Variants in SLCO2A1 observed in about 807,000 individuals in gnomAD.
The protein encoded by SLCO2A1 is matrin F/G 1.
A neutral mutation model predicts 71.7 loss-of-function variants in SLCO2A1; 60 were observed. The ratio of observed to expected loss-of-function variants is 0.84; its 90% CI spans 0.68 to 1.04. The LOEUF is 1.04. SLCO2A1 is among the 50% of genes least tolerant of loss of function. The pLI is 0.00. For missense variants in SLCO2A1, 745 were observed against 813.4 expected, an observed-to-expected ratio of 0.92 and a Z score of 1.02; for synonymous variants, 308 against 326.7, an observed-to-expected ratio of 0.94 and a Z score of 0.62.
At chr3:134,027,470 G>A (rs1048116673) in intron 1 of SLCO2A1, among the ~76,000 whole-genome samples, 1 of 152,184 alleles carries the variant, frequency 6.6e-6, no homozygotes, top group Non-Finnish European at 1.5e-5. Flanking sequence ...AATCGATCAC[G>A]ACCCTCTCAG....
intron 1 of SLCO2A1, among the ~76,000 whole-genome samples, chr3:134,024,526 A>G (rs1935658382): frequency 6.6e-6 from 1 of 152,192 alleles, no homozygotes; most frequent in Admixed American, 6.5e-5. Flanking sequence ...TTTACACTCT[A>G]TGTGTCAGAA....
chr3:134,008,538 C>T (rs980925555), intron 1 of SLCO2A1, among the ~76,000 whole-genome samples: 1 of 152,218 alleles, frequency 6.6e-6, no homozygotes, highest in Non-Finnish European at 1.5e-5. Flanking sequence ...AGAATGTTCT[C>T]TACATCCTCC....
chr3:133,952,823 C>G (rs1162187231), intron 5 of SLCO2A1, among the ~76,000 whole-genome samples: 1 of 152,190 alleles, frequency 6.6e-6, no homozygotes, highest in African/African-American at 2.4e-5. Context: ...GACAAAGTTA[C>G]TTGCCTAAGA....
At chr3:134,026,955 C>A (rs889639980) in intron 1 of SLCO2A1, among the ~76,000 whole-genome samples, 2 of 152,168 alleles carry the variant, frequency 1.3e-5, no homozygotes, top group African/African-American at 4.8e-5. Flanking sequence ...ATTTAAAACT[C>A]TAATAATAAG....
chr3:134,021,984 C>CA (rs34171405), intron 1 of SLCO2A1, among the ~76,000 whole-genome samples: 15 of 134,380 alleles, frequency 1.1e-4, no homozygotes, highest in African/African-American at 2.8e-4. Context: ...GCTTTGCTAA[C>CA]AAAAAAAAAA....
chr3:134,008,754 C>A (rs1192003742), intron 1 of SLCO2A1, among the ~76,000 whole-genome samples: 1 of 152,228 alleles, frequency 6.6e-6, no homozygotes, highest in Non-Finnish European at 1.5e-5. Context: ...GAGTGGGCAC[C>A]AGAAGAGCAG....
chr3:133,944,687 C>T (rs1185254774), intron 10 of SLCO2A1, among the ~76,000 whole-genome samples: 3 of 152,232 alleles, frequency 2.0e-5, no homozygotes, highest in African/African-American at 7.2e-5. Flanking sequence ...TGGCTCTACC[C>T]TTCCAGGTCC....
chr3:133,994,424 C>T (rs566659396), intron 1 of SLCO2A1, among the ~76,000 whole-genome samples: 1 of 152,202 alleles, frequency 6.6e-6, no homozygotes, highest in African/African-American at 2.4e-5. Context: ...GTGCCATGTC[C>T]AGTGGGCCCT....
At chr3:133,959,397 CAAA>C (rs112457858) in intron 3 of SLCO2A1, among the ~76,000 whole-genome samples, 1 of 123,964 alleles carries the variant, frequency 8.1e-6, no homozygotes, top group Admixed American at 8.2e-5. Flanking sequence ...TGGCTATTAC[CAAA>C]AAAAAAAAAA....
In SLCO2A1 at chr3:133,947,355, C is replaced by T. The variant is rs532222872; in HGVS notation, c.1196G>A (p.Arg399His). 31 of 1,614,024 alleles carry T rather than the reference C, an allele frequency of 1.9e-5. No individual in the cohort carries two copies. In the East Asian group the frequency reaches 3.6e-4, roughly 19 times the overall value. Residue 399 changes from arginine to histidine, a missense_variant, in exon 9 of 14, where the codon CGC (arginine) becomes CAC (histidine). Arg to His is a conservative substitution (Grantham distance 29, BLOSUM62 0). Transcript: ENST00000310926. ...GATGGTGATGATGGTGGTAGCTATG[C>T]GGGGAATGGCTTGTAGAGAGAAAAC... ...RFVFSLQAIP[R>H]IATTIITISM...
At chr3:133,940,846 C>T (rs1251313448) in intron 11 of SLCO2A1, among the ~76,000 whole-genome samples, 3 of 152,130 alleles carry the variant, frequency 2.0e-5, no homozygotes, top group Non-Finnish European at 2.9e-5. Flanking sequence ...GCCGTTTCTC[C>T]GGGTTGTAGT....
rs561877969 is a variant in SLCO2A1, at chr3:134,017,913, A to G, written c.96+11794T>C. Among the ~76,000 whole-genome samples, 5 of 152,302 alleles carry G rather than the reference A, an allele frequency of 3.3e-5. No homozygotes were observed. In the South Asian group the frequency reaches 1.0e-3, roughly 32 times the overall value. The stretch of plus-strand genomic sequence containing the variant: ...ATCACTTCTGGATCTCTCAGAATGG[A>G]AAAAACAGGTAGTCACTGTCACAAC... On this transcript the variant is annotated intron_variant, in intron 1 of 13. Coordinates refer to ENST00000310926, the MANE Select transcript of SLCO2A1 (RefSeq NM_005630.3).
chr3:133,939,962 C>CTTT (rs752743899), intron 11 of SLCO2A1, among the ~76,000 whole-genome samples: 28 of 106,294 alleles, frequency 2.6e-4, no homozygotes, highest in African/African-American at 3.2e-4. Flanking sequence ...ACAAAGTCAT[C>CTTT]TTTTTTTTTT....
chr3:133,953,005 A>G (rs1336817143), intron 5 of SLCO2A1, among the ~76,000 whole-genome samples: 1 of 152,014 alleles, frequency 6.6e-6, no homozygotes, highest in Non-Finnish European at 1.5e-5. Flanking sequence ...ATCTTAAAGA[A>G]CCAGCAACAT....
At chr3:134,011,037 T>G (rs1421778294) in intron 1 of SLCO2A1, among the ~76,000 whole-genome samples, 2 of 151,328 alleles carry the variant, frequency 1.3e-5, no homozygotes, top group Non-Finnish European at 2.9e-5. Context: ...ATTTTGTCTG[T>G]TTTTTTTGTT....
Position 133,947,167 on chromosome 3 carries a change from G to A in SLCO2A1, c.1295+89C>T. Reference sequence around the variant, plus strand: ...AAAAAAGTGTACAGCAAAGAATAGAGTTAAGGAAGCAGGAAGGAAGATGTA... The same window carrying A: ...AAAAAAGTGTACAGCAAAGAATAGAATTAAGGAAGCAGGAAGGAAGATGTA... On this transcript the variant is annotated intron_variant, in intron 9 of 13. Coordinates refer to ENST00000310926, the MANE Select transcript of SLCO2A1 (RefSeq NM_005630.3). 4.4e-6 allele frequency: 5 copies of A among 1,141,272 alleles called. No homozygotes were observed. The South Asian group carries it at 6.3e-5, about 14-fold the overall frequency. The allele number at this position is 1,141,272 out of a possible 1,614,324, so 70.7% of individuals were successfully genotyped here.
At chr3:133,950,285 C>A (rs926728626) in intron 6 of SLCO2A1, among the ~76,000 whole-genome samples, 16 of 152,198 alleles carry the variant, frequency 1.1e-4, no homozygotes, top group Non-Finnish European at 1.9e-4. Flanking sequence ...CCCCTCTCCC[C>A]CCGGCTGGGC....
chr3:134,008,700 C>A (rs1667967443), intron 1 of SLCO2A1, among the ~76,000 whole-genome samples: 1 of 152,162 alleles, frequency 6.6e-6, no homozygotes, highest in Admixed American at 6.5e-5. Flanking sequence ...GGATGTTTGG[C>A]CAAACCTTAG....
chr3:133,958,244 C>T (rs1244731133), intron 3 of SLCO2A1, among the ~76,000 whole-genome samples: 1 of 152,152 alleles, frequency 6.6e-6, no homozygotes, highest in Non-Finnish European at 1.5e-5. Context: ...GAGCCTGGGA[C>T]CCAGATTCCT....
Sources: allele counts gnomAD v4.1 joint callset (sites outside exome capture counted in the v4.1 genomes callset), GRCh38; gene constraint gnomAD v4.1.1; transcripts MANE v1.5; gene names NCBI Gene and HGNC (gene_info 2026-07-23, HGNC 2026-07-21).